Variants in LDLRAD3 observed in about 807,000 individuals in gnomAD.
The protein encoded by LDLRAD3 is low density lipoprotein receptor class A domain containing 3.
In LDLRAD3, 20 loss-of-function variants were observed where a neutral mutation model predicts 29.4. The observed-to-expected ratio is 0.68, with a 90% CI of 0.48 to 0.99. The LOEUF is 0.99. Among genes scored for constraint, LDLRAD3 ranks in the 50% least tolerant of loss-of-function variants. The pLI, the probability that LDLRAD3 is intolerant of heterozygous loss-of-function variation, is 0.00. For synonymous variants in LDLRAD3, 157 were observed against 192.7 expected (o/e 0.81, Z 1.53); for missense variants, 420 against 454.3 (o/e 0.92, Z 0.69).
intron 2 of LDLRAD3, among the ~76,000 whole-genome samples, chr11:36,070,084 C>T (rs1420563092): frequency 1.3e-5 from 2 of 152,204 alleles, no homozygotes; most frequent in Non-Finnish European, 1.5e-5. Context: ...GGCTCCTTTA[C>T]CTGTCTCTGT....
intron 4 of LDLRAD3, among the ~76,000 whole-genome samples, chr11:36,151,666 T>C (rs762903447): frequency 4.6e-5 from 7 of 152,148 alleles, no homozygotes; most frequent in African/African-American, 1.4e-4. Context: ...ACCTCCTCCA[T>C]TGAGCTTGAT....
chr11:36,004,259 C>A (rs569585046), intron 1 of LDLRAD3, among the ~76,000 whole-genome samples: 14 of 152,282 alleles, frequency 9.2e-5, no homozygotes, highest in Admixed American at 3.3e-4. Context: ...TAATTACTTC[C>A]AAGATACAAT....
At chr11:36,125,855 AG>A (rs1853828710) in intron 4 of LDLRAD3, among the ~76,000 whole-genome samples, 2 of 152,124 alleles carry the variant, frequency 1.3e-5, no homozygotes, top group South Asian at 4.2e-4. Flanking sequence ...TGTGGCTGGT[AG>A]GCTCTATGGT....
chr11:36,093,963 A>C (rs1853321211), intron 3 of LDLRAD3, among the ~76,000 whole-genome samples: 1 of 152,214 alleles, frequency 6.6e-6, no homozygotes, highest in Admixed American at 6.5e-5. Context: ...GTAGAAAACC[A>C]ATTAGGAAAG....
Position 35,979,906 on chromosome 11 carries a change from A to G in LDLRAD3, c.46+35762A>G, listed in dbSNP as rs545508758. On this transcript the variant is annotated intron_variant, in intron 1 of 5. Coordinates refer to ENST00000315571, the MANE Select transcript of LDLRAD3 (RefSeq NM_174902.4). ...ATATCCTCTTCCCTTTAATTGGCCA[A>G]TTGTTTATCAATGCGGAGCATCATC... Among the ~76,000 whole-genome samples the G allele has an allele frequency of 2.0e-5, 3 of 152,284 alleles. No individual in the cohort carries two copies. In the East Asian group the frequency reaches 5.8e-4, roughly 29 times the overall value.
chr11:35,963,789 T>C (rs1303177043), intron 1 of LDLRAD3, among the ~76,000 whole-genome samples: 2 of 152,242 alleles, frequency 1.3e-5, no homozygotes, highest in African/African-American at 4.8e-5. Context: ...AATTGCTTAT[T>C]GTTCGCTTAC....
chr11:35,985,780 CCTT>C (rs1279255047), intron 1 of LDLRAD3, among the ~76,000 whole-genome samples: 2 of 152,072 alleles, frequency 1.3e-5, no homozygotes, highest in Non-Finnish European at 2.9e-5. Context: ...CTTTGCTCCT[CCTT>C]CACCTTCCGC....
chr11:36,120,127 A>G (rs1001133611), intron 4 of LDLRAD3, among the ~76,000 whole-genome samples: 1 of 152,176 alleles, frequency 6.6e-6, no homozygotes, highest in African/African-American at 2.4e-5. Context: ...CTGCTGTTTT[A>G]AATAAATACA....
In LDLRAD3 at chr11:36,230,444, G is replaced by A. The variant is rs1855560036; in HGVS notation, c.*1047G>A. ...GGACACTGGTTTCTATCACAGGTGA[G>A]AGCCATGTTCAATACCTCCAGCAAG... On this transcript the variant is annotated 3_prime_UTR_variant, in exon 6 of 6. Coordinates refer to ENST00000315571, the MANE Select transcript of LDLRAD3 (RefSeq NM_174902.4). The A allele has an allele frequency of 6.5e-6, 1 of 152,734 alleles. No individual in the cohort carries two copies. The highest frequency in any genetic ancestry group is 2.4e-5 in the African/African-American group (1 of 41,436). The allele number at this position is 152,734 out of a possible 1,614,324, so 9.5% of individuals were successfully genotyped here.
chr11:36,037,880 C>T (rs1378542213), intron 2 of LDLRAD3, among the ~76,000 whole-genome samples: 1 of 152,166 alleles, frequency 6.6e-6, no homozygotes, highest in Non-Finnish European at 1.5e-5. Flanking sequence ...GAATTGATCA[C>T]TATACACACT....
chr11:36,136,242 G>C (rs919985798), intron 4 of LDLRAD3, among the ~76,000 whole-genome samples: 3 of 152,186 alleles, frequency 2.0e-5, no homozygotes, highest in African/African-American at 4.8e-5. Context: ...CTGTGCACCA[G>C]ATGTTTCATA....
At chr11:36,068,262 C>T (rs797001665) in intron 2 of LDLRAD3, among the ~76,000 whole-genome samples, 5 of 152,156 alleles carry the variant, frequency 3.3e-5, no homozygotes, top group Admixed American at 2.0e-4. Context: ...CAGGACTAGC[C>T]GTCTATGTGT....
rs916693750 is a variant in LDLRAD3 at position 36,035,835 on chromosome 11, G to C, written c.47-268G>C. 1.2e-4 allele frequency among the ~76,000 whole-genome samples: 19 copies of C among 152,258 alleles called. No homozygotes were observed. The South Asian group carries it at 1.5e-3, about 12-fold the overall frequency. On this transcript the variant is annotated intron_variant, in intron 1 of 5. Transcript: ENST00000315571. ...GATTTTACAACCAGTCTTTGATGGA[G>C]AAAGAAAAAAAGTCAGTGAACACCC...
rs1380579305 is a variant in LDLRAD3, at chr11:35,944,431, G to A, written c.46+287G>A. On this transcript the variant is annotated intron_variant, in intron 1 of 5. Coordinates refer to ENST00000315571, the MANE Select transcript of LDLRAD3 (RefSeq NM_174902.4). This position sits in a 1 kb window ranked among gnomAD's most constrained non-coding sequence, Gnocchi z 4.9. Reference sequence around the variant, plus strand: ...GTCTGGGGAGCCCGGCGGCTGCCCCGATTGGGCGTAGCTCGAGTGTGGCTG... The same window carrying A: ...GTCTGGGGAGCCCGGCGGCTGCCCCAATTGGGCGTAGCTCGAGTGTGGCTG... Among the ~76,000 whole-genome samples, 6 of 152,088 alleles carry A rather than the reference G, an allele frequency of 3.9e-5. No individual in the cohort carries two copies. Among genetic ancestry groups the A allele is most frequent in the Non-Finnish European group, 4.4e-5 (3 of 67,986 alleles).
At chr11:35,963,433 G>T (rs77259409) in intron 1 of LDLRAD3, among the ~76,000 whole-genome samples, 54 of 144,428 alleles carry the variant, frequency 3.7e-4, no homozygotes, top group Non-Finnish European at 5.5e-4. Flanking sequence ...GTGTGTGTGT[G>T]TTTTTTTTTT....
chr11:36,073,874 G>A (rs912294609), intron 2 of LDLRAD3, among the ~76,000 whole-genome samples: 3 of 152,248 alleles, frequency 2.0e-5, no homozygotes, highest in African/African-American at 7.2e-5. Flanking sequence ...CTGGTCCTTA[G>A]AGAAATCTAA....
At chr11:35,953,659 GA>G (rs909024106) in intron 1 of LDLRAD3, among the ~76,000 whole-genome samples, 1 of 152,022 alleles carries the variant, frequency 6.6e-6, no homozygotes, top group African/African-American at 2.4e-5. Context: ...ACAGTCCGTT[GA>G]AAAAAGCCTC....
chr11:36,104,123 T>C (rs934817294), intron 4 of LDLRAD3, among the ~76,000 whole-genome samples: 33 of 152,144 alleles, frequency 2.2e-4, no homozygotes, highest in Admixed American at 1.6e-3. Flanking sequence ...GCTAGCTCTC[T>C]CCCACTCTTG....
At chr11:36,157,600 G>C (rs1465370984) in intron 4 of LDLRAD3, among the ~76,000 whole-genome samples, 3 of 152,300 alleles carry the variant, frequency 2.0e-5, no homozygotes, top group Non-Finnish European at 1.5e-5. Flanking sequence ...TGGATTGGGG[G>C]TCATGATAAG....
Sources: allele counts gnomAD v4.1 joint callset (sites outside exome capture counted in the v4.1 genomes callset), GRCh38; gene constraint gnomAD v4.1.1; non-coding constraint Gnocchi (gnomAD v3.1); transcripts MANE v1.5; gene names NCBI Gene and HGNC (gene_info 2026-07-23, HGNC 2026-07-21).